DDX46: variants seen among roughly 807,000 people sequenced by gnomAD.
The protein encoded by DDX46 is DEAD-box helicase 46, also known as probable ATP-dependent RNA helicase DDX46.
DDX46 carries 30 observed loss-of-function variants against 134.9 expected under a neutral mutation model. That is an observed-to-expected ratio of 0.22 (90% CI 0.17 to 0.30). DDX46 has a LOEUF of 0.30. DDX46 is among the 10% of genes least tolerant of loss of function. The pLI, the probability that DDX46 is intolerant of heterozygous loss-of-function variation, is 1.00. For missense variants in DDX46, 622 were observed against 1,248.7 expected, an observed-to-expected ratio of 0.50 and a Z score of 7.56; for synonymous variants, 415 against 404.1, an observed-to-expected ratio of 1.03 and a Z score of -0.32.
chr5:134,785,611 T>C (rs1471119397), intron 11 of DDX46, 25 bp downstream of exon 11: 1 of 1,572,602 alleles, frequency 6.4e-7, no homozygotes, highest in African/African-American at 1.4e-5. Flanking sequence ...AACATTCATG[T>C]TTTCCATTCT....
At chr5:134,799,955 T>G (rs993966424) in intron 15 of DDX46, among the ~76,000 whole-genome samples, 1 of 151,986 alleles carries the variant, frequency 6.6e-6, no homozygotes, top group Non-Finnish European at 1.5e-5. Flanking sequence ...GTTAACCACT[T>G]TTACTTTTTT....
chr5:134,771,085 C>T, intron 4 of DDX46, 86 bp downstream of exon 4: 1 of 584,826 alleles, frequency 1.7e-6, no homozygotes, highest in East Asian at 3.4e-5. Context: ...TTCTTTCTTT[C>T]TTTCTCTTTC....
Position 134,773,807 on chromosome 5 carries a change from A to C in DDX46, c.559A>C (p.Lys187Gln). Residue 187 changes from lysine to glutamine, a missense_variant, in exon 5 of 23, where the codon AAG (lysine) becomes CAG (glutamine). Transcript: ENST00000452510. ...TATGGAAAACATAGGAGAACTGAAA[A>C]AGGAAATCGAAGAGATGAAACAAGG... ...KAMENIGELK[K>Q]EIEEMKQGKK... The C allele has an allele frequency of 1.2e-6, 2 of 1,612,258 alleles. No individual in the cohort carries two copies. The highest frequency in any genetic ancestry group is 1.7e-6 in the Non-Finnish European group (2 of 1,179,464).
rs543996375 is a variant in DDX46 at position 134,830,348 on chromosome 5, A to T, written c.*1642A>T. ...ATCGGTTATATGCATATAGCAAGCC[A>T]TTTCATATAAGAGGCTTGAACATCC... On this transcript the variant is annotated 3_prime_UTR_variant, in exon 23 of 23. Transcript: ENST00000452510. The T allele has an allele frequency of 6.6e-6, 1 of 152,282 alleles. No individual in the cohort carries two copies. The highest frequency in any genetic ancestry group is 2.1e-4 in the South Asian group (1 of 4,824). 9.4% of individuals were successfully genotyped at this position (152,282 alleles called of 1,614,324 possible).
chr5:134,785,683 T>C (rs1754310290), intron 11 of DDX46, 97 bp downstream of exon 11: 1 of 1,375,888 alleles, frequency 7.3e-7, no homozygotes, highest in Admixed American at 2.4e-5. Context: ...TTTTGAATAG[T>C]GATTGCTTCT....
chr5:134,793,054 GGCTGAAGTAGCAGGATT>G (rs1471687437), intron 13 of DDX46, among the ~76,000 whole-genome samples: 2 of 151,978 alleles, frequency 1.3e-5, no homozygotes, highest in Non-Finnish European at 2.9e-5. Flanking sequence ...CTACTCAGGA[GGCTGAAGTAGCAGGATT>G]GCTTGAGCCT....
At chr5:134,817,363 C>G (rs914173878) in intron 19 of DDX46, 133 bp from the exon 20 acceptor site, 1 of 788,482 alleles carries the variant, frequency 1.3e-6, no homozygotes, top group Non-Finnish European at 2.0e-6. Flanking sequence ...ATCAATGAGA[C>G]TATGCATTAG....
chr5:134,788,450 A>G (rs970998113), intron 11 of DDX46, 63 bp from the exon 12 acceptor site: 69 of 1,321,154 alleles, frequency 5.2e-5, no homozygotes, highest in Non-Finnish European at 3.8e-5. Flanking sequence ...AACTAAATGC[A>G]GTATTTTTTA....
Position 134,828,794 on chromosome 5 carries a change from A to AT in DDX46, c.*94dup. 5.0e-6 allele frequency: 5 copies of AT among 1,003,300 alleles called. No individual in the cohort carries two copies. The highest frequency in any genetic ancestry group is 1.7e-5 in the African/African-American group (1 of 59,946). 62.1% of individuals were successfully genotyped at this position (1,003,300 alleles called of 1,614,324 possible). A position where few individuals can be genotyped will look rare whatever the true frequency, so the allele number is the denominator to read the frequency against. On this transcript the variant is annotated 3_prime_UTR_variant, in exon 23 of 23. Transcript: ENST00000452510. ...AGTTTACAATGTATTGTAAATGAAGATTTTTTAAATTCTATCTTGCTGATT... is the reference window on the plus strand; with the variant it reads ...AGTTTACAATGTATTGTAAATGAAGATTTTTTTAAATTCTATCTTGCTGATT...
chr5:134,793,468 T>G (rs1754566073), intron 13 of DDX46, among the ~76,000 whole-genome samples: 1 of 152,126 alleles, frequency 6.6e-6, no homozygotes, highest in Non-Finnish European at 1.5e-5. Flanking sequence ...TAGGCTGAAG[T>G]GCAGTGGCTC....
chr5:134,794,217 C>T (rs1754586542), intron 13 of DDX46, among the ~76,000 whole-genome samples: 2 of 152,166 alleles, frequency 1.3e-5, no homozygotes, highest in South Asian at 4.1e-4. Flanking sequence ...GTACAGTTTG[C>T]TTCAGAAACA....
chr5:134,771,860 G>A (rs60915010), intron 4 of DDX46, among the ~76,000 whole-genome samples: 1,919 of 152,160 alleles, frequency 0.013, 40 homozygotes, highest in African/African-American at 0.044. Context: ...ACATCTATAC[G>A]CAATATCTGT....
chr5:134,800,647 T>C (rs1390610323), intron 15 of DDX46, among the ~76,000 whole-genome samples: 1 of 152,072 alleles, frequency 6.6e-6, no homozygotes. Context: ...CCATAACCGC[T>C]GGCAACCACT....
chr5:134,788,082 A>G (rs1358542422), intron 11 of DDX46, among the ~76,000 whole-genome samples: 4 of 151,810 alleles, frequency 2.6e-5, no homozygotes, highest in African/African-American at 9.7e-5. Flanking sequence ...ATGATTCACT[A>G]ATGTGGCAAC....
chr5:134,763,439 G>A (rs1002804514), intron 1 of DDX46, among the ~76,000 whole-genome samples: 18 of 152,278 alleles, frequency 1.2e-4, no homozygotes, highest in Non-Finnish European at 2.1e-4. Context: ...CATCCTTGCT[G>A]TTCCTTAAAC....
chr5:134,805,733 A>G (rs1337283522), intron 15 of DDX46, among the ~76,000 whole-genome samples: 20 of 150,678 alleles, frequency 1.3e-4, no homozygotes, highest in Non-Finnish European at 4.4e-5. Flanking sequence ...GGGTTTCACC[A>G]TGTTGACCAG....
At position 134,766,966 on chromosome 5, in the gene DDX46, C is replaced by G; in HGVS notation, c.256C>G (p.Arg86Gly). The G allele has an allele frequency of 6.2e-7, 1 of 1,614,062 alleles. No homozygotes were observed. The highest frequency in any genetic ancestry group is 1.3e-5 in the African/African-American group (1 of 75,030). ...CAGAAGCCGAGAGCGAAGAAGATCT[C>G]GAAGTAGAGACAGGAGACGCTCAAG... The part of the protein sequence containing the change: ...RDRSRERRRS[R>G]SRDRRRSRSR... Residue 86 changes from arginine (R) to glycine (G), a missense_variant, in exon 3 of 23, where the codon CGA becomes GGA. Transcript: ENST00000452510.
chr5:134,766,452 G>T (rs1561850174), intron 2 of DDX46, among the ~76,000 whole-genome samples: 1 of 152,104 alleles, frequency 6.6e-6, no homozygotes, highest in African/African-American at 2.4e-5. Context: ...TACTCAGGAG[G>T]CTGAGGCAAG....
At chr5:134,792,116 G>C (rs144377363) in intron 13 of DDX46, among the ~76,000 whole-genome samples, 370 of 152,272 alleles carry the variant, frequency 2.4e-3, no homozygotes, top group African/African-American at 8.4e-3. Flanking sequence ...GGCACAGGGT[G>C]TAGGGAGCCG....
Sources: allele counts gnomAD v4.1 joint callset (sites outside exome capture counted in the v4.1 genomes callset), GRCh38; gene constraint gnomAD v4.1.1; transcripts MANE v1.5; gene names NCBI Gene and HGNC (gene_info 2026-07-23, HGNC 2026-07-21).